Variants in SMYD4 observed in about 807,000 individuals in gnomAD.
SMYD4 encodes the protein SET and MYND domain containing 4, also known as protein-lysine N-methyltransferase SMYD4.
A neutral mutation model predicts 72.8 loss-of-function variants in SMYD4; 68 were observed. The observed-to-expected ratio is 0.93, with a 90% CI of 0.77 to 1.14. SMYD4 has a LOEUF of 1.14. Among genes scored for constraint, SMYD4 ranks in the 50% most tolerant of loss-of-function variants. The pLI is 0.00. For synonymous variants in SMYD4, 407 were observed against 388.6 expected (o/e 1.05, Z -0.56); for missense variants, 984 against 1,003.7 (o/e 0.98, Z 0.27).
At chr17:1,803,001 G>A (rs1019290466) in intron 4 of SMYD4, among the ~76,000 whole-genome samples, 2 of 152,128 alleles carry the variant, frequency 1.3e-5, no homozygotes, top group African/African-American at 2.4e-5. Flanking sequence ...AAAATTAGCC[G>A]GGCGTGGTGG....
chr17:1,784,660 T>C, intron 7 of SMYD4, 199 bp from the exon 8 acceptor site: 1 of 694,438 alleles, frequency 1.4e-6, no homozygotes, highest in African/African-American at 1.9e-5. Context: ...GTATCAGCAG[T>C]AGCTGATCCC....
At chr17:1,806,797 T>A (rs1910056543) in intron 3 of SMYD4, among the ~76,000 whole-genome samples, 1 of 152,188 alleles carries the variant, frequency 6.6e-6, no homozygotes, top group Admixed American at 6.6e-5. Flanking sequence ...ACATATAAAA[T>A]ATCCATTGAC....
At chr17:1,794,098 TATA>T (rs1259131353) in intron 5 of SMYD4, among the ~76,000 whole-genome samples, 1 of 23,164 alleles carries the variant, frequency 4.3e-5, no homozygotes, top group African/African-American at 1.4e-4. Context: ...TATATATATA[TATA>T]TATATTTTTT....
chr17:1,822,262 G>A (rs549421361), intron 2 of SMYD4, among the ~76,000 whole-genome samples: 1 of 152,048 alleles, frequency 6.6e-6, no homozygotes, highest in South Asian at 2.1e-4. Context: ...TTAAATGCCA[G>A]AAGAAACAGT....
intron 10 of SMYD4, chr17:1,782,054 G>C (rs1179644260): frequency 3.9e-5 from 6 of 152,148 alleles, no homozygotes; most frequent in Non-Finnish European, 7.3e-5. Context: ...GCTTTACCAG[G>C]GTTGGAGGTT....
At chr17:1,810,452 G>A (rs556306163) in intron 3 of SMYD4, among the ~76,000 whole-genome samples, 10 of 152,154 alleles carry the variant, frequency 6.6e-5, no homozygotes, top group African/African-American at 2.4e-4. Context: ...TGGGAGGATC[G>A]CTTGAACCCG....
At chr17:1,807,486 G>C (rs1325461160) in intron 3 of SMYD4, among the ~76,000 whole-genome samples, 1 of 151,498 alleles carries the variant, frequency 6.6e-6, no homozygotes, top group Non-Finnish European at 1.5e-5. Flanking sequence ...TCAGCCTCCT[G>C]AGTAGCTGGG....
intron 5 of SMYD4, among the ~76,000 whole-genome samples, chr17:1,799,437 C>T (rs1361400516): frequency 1.3e-5 from 2 of 150,742 alleles, no homozygotes; most frequent in Non-Finnish European, 3.0e-5. Context: ...GGCACGATCT[C>T]GGCTCATTTG....
At chr17:1,790,749 T>A (rs534145566) in intron 5 of SMYD4, among the ~76,000 whole-genome samples, 1 of 152,112 alleles carries the variant, frequency 6.6e-6, no homozygotes, top group South Asian at 2.1e-4. Context: ...ACTTCTGACC[T>A]CGTGATCCAC....
At position 1,806,660 on chromosome 17, in the gene SMYD4, G is replaced by A. The variant is rs530464474; in HGVS notation, c.280-1945C>T. ...CAAAATAAAATTGATGGCACACAGA[G>A]TTGGTCAAGAAGTGGGATGATGGGT... On this transcript the variant is annotated intron_variant, in intron 3 of 10. Coordinates refer to ENST00000305513, the MANE Select transcript of SMYD4 (RefSeq NM_052928.3). 3.9e-5 allele frequency among the ~76,000 whole-genome samples: 6 copies of A among 152,320 alleles called. No individual in the cohort carries two copies. The East Asian group carries it at 1.2e-3, about 29-fold the overall frequency.
intron 4 of SMYD4, chr17:1,804,246 C>CT (rs963036995): frequency 9.1e-6 from 2 of 219,284 alleles, no homozygotes; most frequent in African/African-American, 4.6e-5. Context: ...TCTCGGCTCA[C>CT]TGTAACCTCT....
At chr17:1,809,261 A>G in intron 3 of SMYD4, among the ~76,000 whole-genome samples, 1 of 152,184 alleles carries the variant, frequency 6.6e-6, no homozygotes, top group East Asian at 1.9e-4. Context: ...CTTTAAGCCC[A>G]TATAAGTATC....
Position 1,783,031 on chromosome 17 carries a change from TCA to T in SMYD4, c.2261+2_2261+3del, listed in dbSNP as rs755997732. The T allele has an allele frequency of 6.2e-7, 1 of 1,613,748 alleles. No homozygotes were observed. Among genetic ancestry groups the T allele is most frequent in the South Asian group, 1.1e-5 (1 of 91,064 alleles). On this transcript the variant is annotated splice_donor_variant and splice_donor_region_variant and intron_variant, in intron 10 of 10. Transcript: ENST00000305513. LOFTEE classifies it high-confidence loss of function. ...GTGCCCTGTGAAGTGGGAAAGGGAC[TCA>T]CCCGTTGAAAAAGATCTGGGCCAAT...
intron 8 of SMYD4, chr17:1,783,799 T>C (rs1457596248): frequency 2.5e-6 from 1 of 398,556 alleles, no homozygotes; most frequent in African/African-American, 2.1e-5. Context: ...AAGGTCAACT[T>C]TCATAAAGCA....
intron 5 of SMYD4, among the ~76,000 whole-genome samples, chr17:1,795,028 G>A (rs1909315609): frequency 6.6e-6 from 1 of 152,160 alleles, no homozygotes; most frequent in South Asian, 2.1e-4. Flanking sequence ...CACTGCAGTG[G>A]TTTATCCAGG....
At position 1,783,465 on chromosome 17, in the gene SMYD4, G is replaced by T. The variant is rs530674372; in HGVS notation, c.2032C>A (p.Gln678Lys). 2,100 of 1,608,810 alleles carry T rather than the reference G, an allele frequency of 1.3e-3. 35 individuals are homozygous for T. In the South Asian group the frequency reaches 0.022, roughly 17 times the overall value. ...LRDGELERAV[Q>K]RLSGCQRDAE... ...TCACGCTGGCACCCCGACAGCCGCT[G>T]AACAGCTCGCTCTGTCAATGCAGAG... Residue 678 changes from glutamine (Q) to lysine (K), a missense_variant, in exon 9 of 11, where the codon CAG becomes AAG. Transcript: ENST00000305513.
At chr17:1,787,846 T>C (rs2151221313) in intron 5 of SMYD4, among the ~76,000 whole-genome samples, 1 of 152,160 alleles carries the variant, frequency 6.6e-6, no homozygotes, top group East Asian at 1.9e-4. Flanking sequence ...ACTGTGTCTC[T>C]ACACCACGAA....
chr17:1,783,507 T>C (rs372475749), intron 8 of SMYD4, 31 bp from the exon 9 acceptor site: 1 of 1,574,452 alleles, frequency 6.4e-7, no homozygotes, highest in Non-Finnish European at 8.6e-7. Context: ...CGTCTCACTA[T>C]AGACAGAAGC....
chr17:1,793,784 TAC>T (rs1420604426), intron 5 of SMYD4, among the ~76,000 whole-genome samples: 2 of 151,388 alleles, frequency 1.3e-5, no homozygotes, highest in South Asian at 2.1e-4. Context: ...GACACTGAGA[TAC>T]ACAGAGGTTC....
Sources: gnomAD v4.1 joint callset for allele counts (sites outside exome capture counted in the v4.1 genomes callset) on GRCh38, gnomAD v4.1.1 for gene constraint, MANE v1.5 for transcripts, NCBI Gene and HGNC (gene_info 2026-07-23, HGNC 2026-07-21) for gene names.